PSD2: variants seen among roughly 807,000 people sequenced by gnomAD.
PSD2 encodes pleckstrin and Sec7 domain containing 2.
In PSD2, 38 loss-of-function variants were observed where a neutral mutation model predicts 69.8. The observed-to-expected ratio is 0.54, with a 90% CI of 0.42 to 0.71. The LOEUF (loss-of-function observed/expected upper bound fraction) is 0.71, where lower values mean the gene tolerates loss of function less well. Ranked by LOEUF, PSD2 falls within the 30% of genes least tolerant of loss-of-function variation. The probability of loss-of-function intolerance (pLI) is 0.00; values close to 1 mark genes in which losing one functional copy is unlikely to be tolerated. For synonymous variants in PSD2, 412 were observed against 423.0 expected, an observed-to-expected ratio of 0.97 and a Z score of 0.32; for missense variants, 943 against 1,014.5, an observed-to-expected ratio of 0.93 and a Z score of 0.96.
the PSD2 span, among the ~76,000 whole-genome samples, chr5:139,754,937 T>G: frequency 2.8e-4 from 43 of 151,916 alleles, no homozygotes; most frequent in Non-Finnish European, 5.6e-4. Flanking sequence ...GGAGCCAAGG[T>G]GTGTATGTGT....
At chr5:139,743,044 C>T in the PSD2 span, among the ~76,000 whole-genome samples, 4 of 152,176 alleles carry the variant, frequency 2.6e-5, no homozygotes, top group South Asian at 2.1e-4. Context: ...CAGATTATTT[C>T]GGTATGTGTC....
the PSD2 span, among the ~76,000 whole-genome samples, chr5:139,745,599 T>C: frequency 2.0e-5 from 3 of 152,386 alleles, no homozygotes; most frequent in East Asian, 3.9e-4. Context: ...GCCAATGTCC[T>C]GACTTCGCCC....
chr5:139,823,839 G>T (rs917689971), intron 7 of PSD2, among the ~76,000 whole-genome samples: 2 of 152,258 alleles, frequency 1.3e-5, no homozygotes, highest in Admixed American at 6.5e-5. Context: ...CAGCCTGCAG[G>T]CCCCTGTAGG....
chr5:139,802,490 A>G (rs902075311), intron 1 of PSD2, among the ~76,000 whole-genome samples: 24 of 151,506 alleles, frequency 1.6e-4, no homozygotes, highest in Non-Finnish European at 5.9e-5. Context: ...CCACAGGCTC[A>G]TGTTAGCCTG....
At chr5:139,815,949 G>A (rs554050832) in intron 4 of PSD2, among the ~76,000 whole-genome samples, 1 of 146,244 alleles carries the variant, frequency 6.8e-6, no homozygotes, top group South Asian at 2.1e-4. Flanking sequence ...AGCCAAGACC[G>A]TGCCACTGCA....
intron 1 of PSD2, among the ~76,000 whole-genome samples, chr5:139,798,568 G>A (rs541974993): frequency 1.2e-3 from 185 of 152,296 alleles, no homozygotes; most frequent in African/African-American, 3.5e-3. Context: ...TGTCAAAGCT[G>A]ATAGTATAGT....
the PSD2 span, among the ~76,000 whole-genome samples, chr5:139,761,906 G>A: frequency 2.0e-5 from 3 of 152,204 alleles, no homozygotes; most frequent in African/African-American, 4.8e-5. Flanking sequence ...GAAGGCAGCT[G>A]TCCAGGAGTA....
In PSD2 at chr5:139,844,455, T is replaced by C. The variant is rs1400179684; in HGVS notation, c.*1981T>C. 1 of 152,406 alleles carries C rather than the reference T, an allele frequency of 6.6e-6. No homozygotes were observed. The highest frequency in any genetic ancestry group is 1.5e-5 in the Non-Finnish European group (1 of 68,034). The allele number at this position is 152,406 out of a possible 1,614,324, so 9.4% of individuals were successfully genotyped here. ...AAGATGAGATGAAAATAAATCTAAG[T>C]CAAAGTTCTAATAGTTCTTCCTGCA... On this transcript the variant is annotated 3_prime_UTR_variant, in exon 15 of 15. Transcript: ENST00000274710.
chr5:139,743,504 TTGTATC>T, the PSD2 span, among the ~76,000 whole-genome samples: 3 of 152,130 alleles, frequency 2.0e-5, no homozygotes, highest in African/African-American at 7.2e-5. Context: ...GAGTTTGCCT[TTGTATC>T]TGTAAGATTG....
intron 1 of PSD2, among the ~76,000 whole-genome samples, chr5:139,805,801 G>C (rs1301036703): frequency 6.6e-6 from 1 of 152,190 alleles, no homozygotes; most frequent in Non-Finnish European, 1.5e-5. Context: ...GGAGAGCATG[G>C]GGACATGGGG....
the PSD2 span, among the ~76,000 whole-genome samples, chr5:139,749,637 A>T: frequency 3.9e-5 from 6 of 152,192 alleles, no homozygotes; most frequent in Admixed American, 6.5e-5. Flanking sequence ...TCCTTTCTGC[A>T]GTTGTCCCCT....
intron 5 of PSD2, among the ~76,000 whole-genome samples, chr5:139,818,911 T>A (rs1257714602): frequency 1.3e-5 from 2 of 152,242 alleles, no homozygotes; most frequent in East Asian, 3.8e-4. Flanking sequence ...ATTCTAATTC[T>A]CTGGGTGAAT....
In PSD2 at chr5:139,809,801, C is replaced by T. The variant is rs770448654; in HGVS notation, c.361C>T (p.Pro121Ser). The T allele has an allele frequency of 1.2e-6, 2 of 1,614,030 alleles. No homozygotes were observed. Among genetic ancestry groups the T allele is most frequent in the South Asian group, 1.1e-5 (1 of 91,072 alleles). Reference sequence around the variant, plus strand: ...GAGCCTCTACCCAGATGCTGAGGACCCTCAGCTGGGGTGAGTGGATGTCTT... The same window carrying T: ...GAGCCTCTACCCAGATGCTGAGGACTCTCAGCTGGGGTGAGTGGATGTCTT... ...SRSLYPDAEDPQLGLDGPGEP... is the reference protein window; with the variant it reads ...SRSLYPDAEDSQLGLDGPGEP... Residue 121 changes from proline (P) to serine (S), a missense_variant, in exon 2 of 15, where the codon CCT becomes TCT. Pro to Ser is a moderately conservative substitution (Grantham distance 74, BLOSUM62 -1). Coordinates refer to ENST00000274710, the MANE Select transcript of PSD2 (RefSeq NM_032289.4).
At chr5:139,769,281 G>A in the PSD2 span, among the ~76,000 whole-genome samples, 1 of 152,100 alleles carries the variant, frequency 6.6e-6, no homozygotes, top group Non-Finnish European at 1.5e-5. Context: ...GGCGGCGGGG[G>A]TTGGGGGAGA....
At chr5:139,745,801 G>A in the PSD2 span, among the ~76,000 whole-genome samples, 2 of 152,184 alleles carry the variant, frequency 1.3e-5, no homozygotes, top group Non-Finnish European at 2.9e-5. Flanking sequence ...ATGACCTCAG[G>A]GTCAGCCTGG....
intron 7 of PSD2, among the ~76,000 whole-genome samples, chr5:139,826,475 C>T (rs141061915): frequency 5.5e-4 from 84 of 152,242 alleles, no homozygotes; most frequent in African/African-American, 2.0e-3. Flanking sequence ...TGACCCATCT[C>T]CCACGTTCAT....
chr5:139,781,788 G>A, the PSD2 span, among the ~76,000 whole-genome samples: 3 of 151,640 alleles, frequency 2.0e-5, no homozygotes, highest in East Asian at 1.9e-4. Context: ...CACATGCCAC[G>A]ACACCTGGCT....
chr5:139,836,715 C>A, intron 9 of PSD2, 96 bp from the exon 10 acceptor site: 2 of 1,082,736 alleles, frequency 1.8e-6, no homozygotes, highest in South Asian at 1.4e-5. Flanking sequence ...TCCTCCATGA[C>A]CCTGGCTCCT....
At chr5:139,841,071 C>T (rs1001667032) in intron 14 of PSD2, among the ~76,000 whole-genome samples, 6 of 152,172 alleles carry the variant, frequency 3.9e-5, no homozygotes, top group African/African-American at 2.4e-5. Context: ...CAGCCCCTGA[C>T]AATCACCATT....
Sources: allele counts gnomAD v4.1 joint callset (sites outside exome capture counted in the v4.1 genomes callset), GRCh38; gene constraint gnomAD v4.1.1; transcripts MANE v1.5; gene names NCBI Gene and HGNC (gene_info 2026-07-23, HGNC 2026-07-21).